Variants in DAB1 observed in about 807,000 individuals in gnomAD.
DAB1 encodes DAB adaptor protein 1, also known as disabled homolog 1.
DAB1 carries 15 observed loss-of-function variants against 64.6 expected under a neutral mutation model. That is an observed-to-expected ratio of 0.23 (90% CI 0.16 to 0.36). DAB1 has a LOEUF of 0.36. DAB1 is among the 10% of genes least tolerant of loss of function. The pLI is 1.00. For missense variants in DAB1, 596 were observed against 706.7 expected, an observed-to-expected ratio of 0.84 and a Z score of 1.78; for synonymous variants, 235 against 251.9, an observed-to-expected ratio of 0.93 and a Z score of 0.64.
chr1:57,752,440 T>C (rs566674648), intron 6 of DAB1, among the ~76,000 whole-genome samples: 1 of 152,224 alleles, frequency 6.6e-6, no homozygotes, highest in Non-Finnish European at 1.5e-5. Flanking sequence ...TTATGCTTTA[T>C]AACAGATTAA....
chr1:57,000,040 C>CTTTT (rs397863684), intron 14 of DAB1, among the ~76,000 whole-genome samples: 7 of 112,440 alleles, frequency 6.2e-5, no homozygotes, highest in Non-Finnish European at 9.1e-5. Context: ...TTCCTTCTGC[C>CTTTT]TTTTTTTTTT....
intron 3 of DAB1, among the ~76,000 whole-genome samples, chr1:58,396,307 T>C (rs1644521784): frequency 6.6e-6 from 1 of 152,128 alleles, no homozygotes; most frequent in Non-Finnish European, 1.5e-5. Context: ...TCTAGTTGCA[T>C]CTTGTTCCTA....
intron 2 of DAB1, among the ~76,000 whole-genome samples, chr1:57,278,762 G>GT (rs1046774640): frequency 2.0e-5 from 3 of 152,186 alleles, no homozygotes; most frequent in Non-Finnish European, 4.4e-5. Context: ...TGCGCAAGGT[G>GT]TTTAGAAGGG....
At chr1:57,890,812 G>A (rs538004708) in intron 5 of DAB1, among the ~76,000 whole-genome samples, 12 of 152,122 alleles carry the variant, frequency 7.9e-5, no homozygotes, top group East Asian at 7.7e-4. Flanking sequence ...ATTACCCTGC[G>A]TAAAATCTTT....
At chr1:57,271,340 G>A (rs1356208308) in intron 2 of DAB1, among the ~76,000 whole-genome samples, 1 of 152,204 alleles carries the variant, frequency 6.6e-6, no homozygotes, top group Non-Finnish European at 1.5e-5. Flanking sequence ...CTCTGCCTCT[G>A]TCCTCACTGG....
At chr1:57,974,336 A>G (rs1236605243) in intron 5 of DAB1, among the ~76,000 whole-genome samples, 2 of 152,058 alleles carry the variant, frequency 1.3e-5, no homozygotes, top group Admixed American at 6.6e-5. Context: ...ATTGTGTCTC[A>G]TCTACCTCCC....
chr1:58,277,807 G>A (rs771460991), intron 4 of DAB1, among the ~76,000 whole-genome samples: 1 of 152,216 alleles, frequency 6.6e-6, no homozygotes, highest in Non-Finnish European at 1.5e-5. Flanking sequence ...GCCTCTGTCT[G>A]TTTTTCTGTC....
chr1:57,232,284 CTTTTT>C (rs74940041), intron 2 of DAB1, among the ~76,000 whole-genome samples: 5 of 81,714 alleles, frequency 6.1e-5, no homozygotes, highest in South Asian at 8.8e-4. Flanking sequence ...GCAGTGGCCA[CTTTTT>C]TTTTTTTTTT....
chr1:57,414,264 G>A (rs996754364), intron 1 of DAB1, among the ~76,000 whole-genome samples: 1 of 152,150 alleles, frequency 6.6e-6, no homozygotes, highest in African/African-American at 2.4e-5. Context: ...CTTCATTATT[G>A]TCTTATTTTA....
chr1:57,286,877 G>C (rs941213306), intron 2 of DAB1, among the ~76,000 whole-genome samples: 3 of 152,014 alleles, frequency 2.0e-5, no homozygotes, highest in Non-Finnish European at 4.4e-5. Context: ...TTACAACCAA[G>C]TAAGATTTAC....
At chr1:58,505,197 C>T (rs1458124882) in intron 3 of DAB1, among the ~76,000 whole-genome samples, 1 of 152,176 alleles carries the variant, frequency 6.6e-6, no homozygotes, top group Admixed American at 6.5e-5. Context: ...GGTGATCCAC[C>T]CACCTCAGCC....
chr1:58,495,063 T>C (rs1019981382), intron 3 of DAB1, among the ~76,000 whole-genome samples: 1 of 152,138 alleles, frequency 6.6e-6, no homozygotes, highest in Admixed American at 6.5e-5. Context: ...ATGTGGCACA[T>C]ATACAGCATG....
Position 58,123,208 on chromosome 1 carries a change from G to A in DAB1, n.387+27303C>T, listed in dbSNP as rs372566545. Reference sequence around the variant, plus strand: ...CATGGGGAGAGAAAAGACTCCATAGGATGGGACTGTTCCTCTCATTCTTTC... The same window carrying A: ...CATGGGGAGAGAAAAGACTCCATAGAATGGGACTGTTCCTCTCATTCTTTC... On this transcript the variant is annotated intron_variant and non_coding_transcript_variant, in intron 5 of 20. Coordinates refer to the DAB1 transcript ENST00000485760. 3.9e-5 allele frequency among the ~76,000 whole-genome samples: 6 copies of A among 152,212 alleles called. No homozygotes were observed. The South Asian group carries it at 6.2e-4, about 16-fold the overall frequency.
intron 7 of DAB1, among the ~76,000 whole-genome samples, chr1:57,431,218 G>A (rs1476887543): frequency 2.0e-5 from 3 of 149,916 alleles, no homozygotes; most frequent in Non-Finnish European, 4.4e-5. Context: ...CCCTCTGAGG[G>A]TGGCTGTAGT....
intron 4 of DAB1, among the ~76,000 whole-genome samples, chr1:58,274,427 C>T (rs376440706): frequency 2.1e-5 from 3 of 140,738 alleles, no homozygotes; most frequent in East Asian, 2.1e-4. Context: ...GACAGGGACA[C>T]TTAAGTCTGC....
intron 7 of DAB1, among the ~76,000 whole-genome samples, chr1:57,521,043 C>T (rs56873272): frequency 0.07 from 10,640 of 152,036 alleles, 1,161 homozygotes; most frequent in African/African-American, 0.23. Context: ...ATAGGGACAC[C>T]CAGAGACCCA....
At chr1:57,092,423 G>A (rs72672622) in intron 4 of DAB1, among the ~76,000 whole-genome samples, 25,430 of 152,018 alleles carry the variant, frequency 0.17, 2,504 homozygotes, top group East Asian at 0.3. Flanking sequence ...CCCCCATGCT[G>A]TTCTCATGAT....
intron 6 of DAB1, among the ~76,000 whole-genome samples, chr1:57,719,325 G>A (rs924236410): frequency 4.6e-5 from 7 of 152,142 alleles, no homozygotes; most frequent in African/African-American, 1.7e-4. Flanking sequence ...GTTTCCCCTG[G>A]AGAAAATTGA....
chr1:57,815,499 A>G (rs1016664566), intron 6 of DAB1, among the ~76,000 whole-genome samples: 1 of 152,114 alleles, frequency 6.6e-6, no homozygotes, highest in Non-Finnish European at 1.5e-5. Context: ...TTTCGCTTAT[A>G]TATCTGTATG....
Sources: gnomAD v4.1 joint callset for allele counts (sites outside exome capture counted in the v4.1 genomes callset) on GRCh38, gnomAD v4.1.1 for gene constraint, MANE v1.5 for transcripts, NCBI Gene and HGNC (gene_info 2026-07-23, HGNC 2026-07-21) for gene names.